MAPK8IP3: variants seen among roughly 807,000 people sequenced by gnomAD.
MAPK8IP3 encodes the protein mitogen-activated protein kinase 8 interacting protein 3.
A neutral mutation model predicts 157.8 loss-of-function variants in MAPK8IP3; 49 were observed. The observed-to-expected ratio is 0.31, with a 90% confidence interval of 0.25 to 0.39. The LOEUF (loss-of-function observed/expected upper bound fraction) is 0.39. MAPK8IP3 is among the 10% of genes least tolerant of loss of function. MAPK8IP3 has a pLI of 1.00. For synonymous variants in MAPK8IP3, 897 were observed against 777.7 expected, an observed-to-expected ratio of 1.15 and a Z score of -2.55; for missense variants, 1,478 against 1,889.4, an observed-to-expected ratio of 0.78 and a Z score of 4.04.
chr16:1,722,101 T>A (rs2142322392), intron 1 of MAPK8IP3, among the ~76,000 whole-genome samples: 1 of 152,372 alleles, frequency 6.6e-6, no homozygotes, highest in South Asian at 2.1e-4. Flanking sequence ...ATCAGTCGAT[T>A]AATAGCATGT....
At chr16:1,739,860 GTGTGAGCC>G (rs1402621750) in intron 4 of MAPK8IP3, among the ~76,000 whole-genome samples, 30 of 126,958 alleles carry the variant, frequency 2.4e-4, no homozygotes, top group Admixed American at 5.0e-4. Flanking sequence ...CCGTGTGACC[GTGTGAGCC>G]TGTGAGCATC....
At chr16:1,748,879 C>G in intron 8 of MAPK8IP3, 159 bp downstream of exon 8, 2 of 768,616 alleles carry the variant, frequency 2.6e-6, no homozygotes, top group Non-Finnish European at 4.7e-6. Flanking sequence ...GGAATTGTCC[C>G]TCCATCTCCA....
At chr16:1,763,621 C>A in intron 16 of MAPK8IP3, 36 bp from the exon 17 acceptor site, 1 of 1,505,834 alleles carries the variant, frequency 6.6e-7, no homozygotes, top group East Asian at 2.5e-5. Flanking sequence ...GCCGCTCACC[C>A]TGGACAGAGA....
At chr16:1,745,213 G>T in intron 5 of MAPK8IP3, 1 of 983,110 alleles carries the variant, frequency 1.0e-6, no homozygotes. Context: ...GCCACCATGA[G>T]GGTCAGGAGC....
At chr16:1,765,410 G>A (rs1596799960) in intron 20 of MAPK8IP3, among the ~76,000 whole-genome samples, 1 of 152,200 alleles carries the variant, frequency 6.6e-6, no homozygotes, top group Non-Finnish European at 1.5e-5. Flanking sequence ...AGGACCCCAC[G>A]CTTACCTGGT....
chr16:1,764,037 G>A (rs1452280580), intron 17 of MAPK8IP3, 78 bp from the exon 18 acceptor site: 5 of 1,394,150 alleles, frequency 3.6e-6, no homozygotes, highest in Non-Finnish European at 4.9e-6. Flanking sequence ...GAAGCTGGCA[G>A]CCCTACCTGT....
At position 1,743,046 on chromosome 16, in the gene MAPK8IP3, G is replaced by C. The variant is rs2040769346; in HGVS notation, c.603-286G>C. The stretch of plus-strand genomic sequence containing the variant: ...GGAGGTGGAACTTGCAGTGAGCCAA[G>C]TTCGTGCCACTGCACTCCAGCCTGG... On this transcript the variant is annotated intron_variant, in intron 4 of 31. Transcript: ENST00000610761. This position sits in a 1 kb window ranked among gnomAD's most constrained non-coding sequence, Gnocchi z 5.6. Among the ~76,000 whole-genome samples the C allele has an allele frequency of 6.6e-6, 1 of 152,120 alleles. No individual in the cohort carries two copies. Among genetic ancestry groups the C allele is most frequent in the African/African-American group, 2.4e-5 (1 of 41,394 alleles).
rs148825262 is a variant in MAPK8IP3, at chr16:1,758,136, T to C, written c.1217-12T>C. On this transcript the variant is annotated splice_polypyrimidine_tract_variant and intron_variant, in intron 8 of 31. Coordinates refer to ENST00000610761, the MANE Select transcript of MAPK8IP3 (RefSeq NM_001318852.2). ...CTTCCCCTGCCTCTCTGTGCGTCGC[T>C]GGACTCGCCAGGGGAGTTCTCAGGT... 3.9e-3 allele frequency: 6,324 copies of C among 1,613,716 alleles called. 17 individuals are homozygous for C. The highest frequency in any genetic ancestry group is 4.6e-3 in the South Asian group (419 of 91,070).
intron 1 of MAPK8IP3, among the ~76,000 whole-genome samples, chr16:1,718,583 C>T (rs994767985): frequency 6.6e-6 from 1 of 151,560 alleles, no homozygotes; most frequent in African/African-American, 2.4e-5. Context: ...TCCTTGAGGT[C>T]AGGAGTTCAA....
intron 8 of MAPK8IP3, among the ~76,000 whole-genome samples, chr16:1,757,756 C>A (rs2041695505): frequency 6.6e-6 from 1 of 152,234 alleles, no homozygotes; most frequent in Non-Finnish European, 1.5e-5. Context: ...CTCTCCCTCG[C>A]CCACGCTGGG....
intron 4 of MAPK8IP3, among the ~76,000 whole-genome samples, chr16:1,739,838 C>T: frequency 1.7e-5 from 2 of 115,930 alleles, no homozygotes; most frequent in East Asian, 2.7e-4. Flanking sequence ...GTGTGACCGT[C>T]CGTGTGAGCA....
At chr16:1,738,422 G>A (rs537765400) in intron 4 of MAPK8IP3, among the ~76,000 whole-genome samples, 1 of 99,710 alleles carries the variant, frequency 1.0e-5, no homozygotes, top group South Asian at 5.6e-4. Context: ...GTGAGCGTGT[G>A]ACCGTGTGAG....
In MAPK8IP3 at chr16:1,753,437, A is replaced by AT. The variant is rs1355800650; in HGVS notation, c.1217-4708dup. Among the ~76,000 whole-genome samples the AT allele has an allele frequency of 3.2e-3, 454 of 141,316 alleles. 4 individuals are homozygous for AT. Among genetic ancestry groups the AT allele is most frequent in the South Asian group, 0.023 (93 of 3,960 alleles). The allele number at this position is 141,316 out of a possible 152,430, so 92.7% of individuals were successfully genotyped here. ...GCACCCAGCCCACATACCATTATTT[A>AT]TTTATTTATTTATTTATTTTTGAGA... On this transcript the variant is annotated intron_variant, in intron 8 of 31. Transcript: ENST00000610761.
At position 1,767,933 on chromosome 16, in the gene MAPK8IP3, C is replaced by T. The variant is rs1252201340; in HGVS notation, c.3523+15C>T. 1.2e-6 allele frequency: 2 copies of T among 1,609,230 alleles called. No individual in the cohort carries two copies. Among genetic ancestry groups the T allele is most frequent in the Admixed American group, 1.7e-5 (1 of 60,016 alleles). On this transcript the variant is annotated intron_variant, in intron 28 of 31. Coordinates refer to ENST00000610761, the MANE Select transcript of MAPK8IP3 (RefSeq NM_001318852.2). ...CCTGACAGAGAGTGAGTGGCCTGCA[C>T]ACCTGCAGGGGCAGTGGTGCTGCCA...
intron 4 of MAPK8IP3, among the ~76,000 whole-genome samples, chr16:1,739,193 ACCGT>A (rs545464282): frequency 0.012 from 1,361 of 110,070 alleles, 23 homozygotes; most frequent in African/African-American, 0.05. Context: ...CATCCGTGTG[ACCGT>A]CCGTGTGAGC....
At chr16:1,753,173 T>C (rs2041391867) in intron 8 of MAPK8IP3, among the ~76,000 whole-genome samples, 2 of 152,200 alleles carry the variant, frequency 1.3e-5, no homozygotes, top group South Asian at 4.1e-4. Flanking sequence ...TCTCTCAGCA[T>C]TTTTACTCTG....
At chr16:1,715,365 A>C (rs2038078974) in intron 1 of MAPK8IP3, among the ~76,000 whole-genome samples, 1 of 152,054 alleles carries the variant, frequency 6.6e-6, no homozygotes, top group Non-Finnish European at 1.5e-5. Flanking sequence ...CTCTCTCTGC[A>C]TTTTAGACCT....
intron 4 of MAPK8IP3, among the ~76,000 whole-genome samples, chr16:1,732,905 G>A (rs866876861): frequency 3.9e-5 from 6 of 152,268 alleles, no homozygotes; most frequent in South Asian, 2.1e-4. Flanking sequence ...ACACCGGGGC[G>A]TGTGGATGCC....
chr16:1,714,394 TTTC>T (rs1431457305), intron 1 of MAPK8IP3, among the ~76,000 whole-genome samples: 1 of 152,176 alleles, frequency 6.6e-6, no homozygotes, highest in Non-Finnish European at 1.5e-5. Context: ...TCTGGTGCAT[TTTC>T]TTTTGAGCCA....
Sources: gnomAD v4.1 joint callset for allele counts (sites outside exome capture counted in the v4.1 genomes callset) on GRCh38, gnomAD v4.1.1 for gene constraint, Gnocchi (gnomAD v3.1) non-coding constraint, MANE v1.5 for transcripts, NCBI Gene and HGNC (gene_info 2026-07-23, HGNC 2026-07-21) for gene names.